ACTR5: variants seen among roughly 807,000 people sequenced by gnomAD.
ACTR5 encodes actin-related protein 5.
ACTR5 carries 43 observed loss-of-function variants against 61.2 expected under a neutral mutation model. The observed-to-expected ratio is 0.70, with a 90% CI of 0.55 to 0.91. ACTR5 has a LOEUF of 0.91. Ranked by LOEUF, ACTR5 falls within the 40% of genes least tolerant of loss-of-function variation. The pLI, the probability that ACTR5 is intolerant of heterozygous loss-of-function variation, is 0.00. For synonymous variants in ACTR5, 333 were observed against 310.5 expected (o/e 1.07, Z -0.76); for missense variants, 798 against 782.2 (o/e 1.02, Z -0.24).
chr20:38,762,462 G>A (rs1316916793), intron 5 of ACTR5, among the ~76,000 whole-genome samples: 2 of 152,214 alleles, frequency 1.3e-5, no homozygotes, highest in Non-Finnish European at 1.5e-5. Flanking sequence ...GAGACTCAAG[G>A]GGAGGAAACA....
chr20:38,757,485 G>C (rs1226183510), intron 5 of ACTR5, among the ~76,000 whole-genome samples: 2 of 151,714 alleles, frequency 1.3e-5, no homozygotes, highest in Non-Finnish European at 2.9e-5. Context: ...TTTGTTTTTT[G>C]TTTTTTCCTT....
chr20:38,750,254 T>C lies in ACTR5; in HGVS notation c.605+15T>C. ...TTAGAAGGGAGGTGAGTTGCACTTG[T>C]GGCATTTGAGTGCGATTTTGAGAAG... is the stretch of plus-strand genomic sequence containing the variant. On this transcript the variant is annotated intron_variant, in intron 2 of 8. Transcript: ENST00000243903. The C allele has an allele frequency of 6.2e-7, 1 of 1,605,810 alleles. No individual in the cohort carries two copies. Among genetic ancestry groups the C allele is most frequent in the Non-Finnish European group, 8.5e-7 (1 of 1,174,100 alleles).
intron 5 of ACTR5, among the ~76,000 whole-genome samples, chr20:38,757,132 G>A (rs964237193): frequency 6.6e-6 from 1 of 152,020 alleles, no homozygotes. Context: ...TCACCAAGTT[G>A]TCCAGGCTGG....
chr20:38,760,715 C>T (rs951209829), intron 5 of ACTR5, among the ~76,000 whole-genome samples: 1 of 152,144 alleles, frequency 6.6e-6, no homozygotes. Flanking sequence ...TAGTGCTGAT[C>T]AAATTCACAC....
At chr20:38,770,671 C>T (rs1457391357) in intron 8 of ACTR5, among the ~76,000 whole-genome samples, 1 of 152,158 alleles carries the variant, frequency 6.6e-6, no homozygotes, top group Non-Finnish European at 1.5e-5. Flanking sequence ...CTACCATGTG[C>T]CTTACACTCA....
In ACTR5 at chr20:38,772,356, C is replaced by T. The variant is rs1176024900; in HGVS notation, c.*540C>T. On this transcript the variant is annotated 3_prime_UTR_variant, in exon 9 of 9. Transcript: ENST00000243903. The stretch of plus-strand genomic sequence containing the variant: ...TTGTGGGAGGCTAAGGCAGGAGGAT[C>T]GCTGGAGCTTAGGAGTTCGAGGCTA... 1 of 161,142 alleles carries T rather than the reference C, an allele frequency of 6.2e-6. No homozygotes were observed. Among genetic ancestry groups the T allele is most frequent in the Non-Finnish European group, 1.4e-5 (1 of 73,290 alleles). The allele number at this position is 161,142 out of a possible 1,614,324, so 10.0% of individuals were successfully genotyped here. A position where few individuals can be genotyped will look rare whatever the true frequency, so the allele number is the denominator to read the frequency against.
chr20:38,759,931 T>G (rs2084443851), intron 5 of ACTR5, among the ~76,000 whole-genome samples: 1 of 152,026 alleles, frequency 6.6e-6, no homozygotes, highest in South Asian at 2.1e-4. Context: ...ACTGAGAGGC[T>G]GAGGAGGGAA....
At chr20:38,766,149 G>T in intron 6 of ACTR5, 89 bp from the exon 7 acceptor site, 2 of 1,418,062 alleles carry the variant, frequency 1.4e-6, no homozygotes, top group Non-Finnish European at 1.9e-6. Context: ...AGAAACTATT[G>T]GGATTAAGAA....
chr20:38,758,503 C>T (rs543994449), intron 5 of ACTR5, among the ~76,000 whole-genome samples: 5 of 152,078 alleles, frequency 3.3e-5, no homozygotes, highest in East Asian at 3.9e-4. Context: ...AAAAATTAGC[C>T]GGGCGTCGGG....
intron 5 of ACTR5, among the ~76,000 whole-genome samples, chr20:38,758,944 T>G (rs10485650): frequency 0.09 from 13,647 of 152,254 alleles, 627 homozygotes; most frequent in African/African-American, 0.12. Flanking sequence ...AATAGAGGTC[T>G]CGAAAATCTA....
chr20:38,749,254 G>C (rs1198313081), intron 1 of ACTR5, among the ~76,000 whole-genome samples: 3 of 152,216 alleles, frequency 2.0e-5, no homozygotes, highest in Non-Finnish European at 4.4e-5. Flanking sequence ...GCCGTGATAG[G>C]AGAGGAGGGA....
chr20:38,750,377 C>A, intron 2 of ACTR5, 138 bp downstream of exon 2: 2 of 703,598 alleles, frequency 2.8e-6, no homozygotes, highest in Admixed American at 2.8e-5. Flanking sequence ...CTTTGAACTA[C>A]CTCACTGTGT....
chr20:38,759,258 C>A (rs757839176), intron 5 of ACTR5, among the ~76,000 whole-genome samples: 9 of 152,220 alleles, frequency 5.9e-5, no homozygotes, highest in Non-Finnish European at 1.3e-4. Context: ...GGGAACCATG[C>A]TGCATCTTCT....
intron 3 of ACTR5, among the ~76,000 whole-genome samples, chr20:38,753,244 TATG>T (rs1421995539): frequency 6.6e-6 from 1 of 152,276 alleles, no homozygotes; most frequent in Non-Finnish European, 1.5e-5. Context: ...AATTCTATGA[TATG>T]ATTATAAAGA....
At chr20:38,764,546 A>C (rs1294476817) in intron 5 of ACTR5, among the ~76,000 whole-genome samples, 1 of 152,122 alleles carries the variant, frequency 6.6e-6, no homozygotes, top group Non-Finnish European at 1.5e-5. Context: ...TCATAGAGGG[A>C]ACTTGTTCTG....
chr20:38,767,591 T>A lies in ACTR5; in HGVS notation c.1561T>A (p.Phe521Ile). The change falls in exon 8 of 9, where the codon TTT becomes ATT. Residue 521 changes from phenylalanine (F) to isoleucine (I), a missense_variant. Physicochemically the swap from Phe to Ile is conservative, Grantham distance 21. Transcript: ENST00000243903. ...GGAGATGAGACCCTTCCGGTCTTCT[T>A]TTCAGGTACTGATTGTTCGAGTAGT... ...LLEMRPFRSS[F>I]QVQLASNPVL... 6.2e-7 allele frequency: 1 copy of A among 1,609,542 alleles called. No individual in the cohort carries two copies. The highest frequency in any genetic ancestry group is 2.2e-5 in the East Asian group (1 of 44,820).
intron 5 of ACTR5, among the ~76,000 whole-genome samples, chr20:38,757,539 G>GA (rs928441245): frequency 6.6e-5 from 10 of 151,412 alleles, no homozygotes; most frequent in Non-Finnish European, 1.5e-4. Flanking sequence ...TATCCTTTCA[G>GA]AAAAAAAATG....
intron 2 of ACTR5, 76 bp from the exon 3 acceptor site, chr20:38,752,055 A>G (rs1391672309): frequency 4.0e-6 from 6 of 1,499,366 alleles, no homozygotes; most frequent in Middle Eastern, 1.8e-4. Context: ...GCCTTAAATT[A>G]TCTTGTTTCT....
At chr20:38,755,614 G>A (rs2084415776) in intron 4 of ACTR5, among the ~76,000 whole-genome samples, 2 of 151,896 alleles carry the variant, frequency 1.3e-5, no homozygotes, top group South Asian at 2.1e-4. Flanking sequence ...AAAAAAAAAG[G>A]GTAACAACCT....
Sources: gnomAD v4.1 joint callset for allele counts (sites outside exome capture counted in the v4.1 genomes callset) on GRCh38, gnomAD v4.1.1 for gene constraint, MANE v1.5 for transcripts, NCBI Gene and HGNC (gene_info 2026-07-23, HGNC 2026-07-21) for gene names.